ADAM10: variants seen among roughly 807,000 people sequenced by gnomAD.
The protein encoded by ADAM10 is disintegrin and metalloproteinase domain-containing protein 10.
In ADAM10, 17 loss-of-function variants were observed where a neutral mutation model predicts 90.1. That is an observed-to-expected ratio of 0.19 (90% CI 0.13 to 0.28). ADAM10 has a LOEUF of 0.28. Among genes scored for constraint, ADAM10 ranks in the 10% least tolerant of loss-of-function variants. The pLI, the probability that ADAM10 is intolerant of heterozygous loss-of-function variation, is 1.00. For synonymous variants in ADAM10, 310 were observed against 298.6 expected (o/e 1.04, Z -0.40); for missense variants, 610 against 914.3 (o/e 0.67, Z 4.29).
Position 58,749,511 on chromosome 15 carries a change from A to T in ADAM10, c.24T>A (p.Ile8=). Residue 8 remains isoleucine (I), a synonymous_variant, in exon 1 of 16, where the codon ATT becomes ATA. Coordinates refer to ENST00000260408, the MANE Select transcript of ADAM10 (RefSeq NM_001110.4). MVLLRVL[I]LLLSWAAGMG... ...TCCCCGCCGCCCAGGAGAGGAGCAG[A>T]ATTAACACTCTCAGCAACACCATCT... is the stretch of plus-strand genomic sequence containing the variant. The T allele has an allele frequency of 6.4e-7, 1 of 1,554,414 alleles. No homozygotes were observed. Among genetic ancestry groups the T allele is most frequent in the Non-Finnish European group, 8.7e-7 (1 of 1,148,786 alleles).
chr15:58,688,523 C>A (rs1282579356), intron 2 of ADAM10, among the ~76,000 whole-genome samples: 2 of 151,074 alleles, frequency 1.3e-5, no homozygotes, highest in African/African-American at 4.9e-5. Flanking sequence ...TTAGTCCCCC[C>A]CAAAAAAAGT....
chr15:58,717,139 C>T (rs1407896529), intron 2 of ADAM10, among the ~76,000 whole-genome samples: 1 of 150,838 alleles, frequency 6.6e-6, no homozygotes, highest in Non-Finnish European at 1.5e-5. Context: ...TGTTTGAGAA[C>T]TGAACAAAAC....
chr15:58,720,807 C>CA (rs1205182215), intron 1 of ADAM10, among the ~76,000 whole-genome samples: 1 of 152,002 alleles, frequency 6.6e-6, no homozygotes, highest in African/African-American at 2.4e-5. Flanking sequence ...TTGAGTTTAG[C>CA]AAAAAAGAAG....
At chr15:58,628,534 G>A (rs192985629) in intron 9 of ADAM10, among the ~76,000 whole-genome samples, 65 of 152,230 alleles carry the variant, frequency 4.3e-4, no homozygotes, top group African/African-American at 1.5e-3. Flanking sequence ...AGTGGTGTTC[G>A]GTTTTGATAA....
At chr15:58,719,705 T>G (rs1188675349) in intron 1 of ADAM10, among the ~76,000 whole-genome samples, 2 of 152,158 alleles carry the variant, frequency 1.3e-5, no homozygotes, top group African/African-American at 4.8e-5. Context: ...CATTTTACCT[T>G]AAGCATTTTT....
In ADAM10 at chr15:58,588,861, CT is replaced by C. The variant is rs1233663492; in HGVS notation, c.*8685del. 1 of 152,188 alleles carries C rather than the reference CT, an allele frequency of 6.6e-6. No homozygotes were observed. Among genetic ancestry groups the C allele is most frequent in the African/African-American group, 2.4e-5 (1 of 41,430 alleles). 9.4% of individuals were successfully genotyped at this position (152,188 alleles called of 1,614,324 possible). A position where few individuals can be genotyped will look rare whatever the true frequency, so the allele number is the denominator to read the frequency against. ...GAGCTTTCTGAATACATTTCTTCTC[CT>C]ATCAGGAGTTGTTACTTACATGCCC... On this transcript the variant is annotated 3_prime_UTR_variant, in exon 16 of 16. Coordinates refer to ENST00000260408, the MANE Select transcript of ADAM10 (RefSeq NM_001110.4).
chr15:58,660,656 G>GT lies in ADAM10; in HGVS notation c.585+4440dup, dbSNP rs1230064114. Among the ~76,000 whole-genome samples the GT allele has an allele frequency of 2.6e-5, 4 of 152,068 alleles. No homozygotes were observed. The East Asian group carries it at 7.7e-4, about 29-fold the overall frequency. ...TATTTATTTTCTATTTATCCCATCA[G>GT]TTTTTTGTTCCTTTTTCTCTTCTTC... On this transcript the variant is annotated intron_variant, in intron 5 of 15. Coordinates refer to ENST00000260408, the MANE Select transcript of ADAM10 (RefSeq NM_001110.4).
chr15:58,627,624 A>C (rs868300060), intron 10 of ADAM10, 76 bp downstream of exon 10: 2 of 1,322,494 alleles, frequency 1.5e-6, no homozygotes, highest in African/African-American at 1.4e-5. Context: ...GTATGTCAGT[A>C]ATCACTATAG....
At chr15:58,731,749 G>A (rs1396580708) in intron 1 of ADAM10, among the ~76,000 whole-genome samples, 1 of 152,238 alleles carries the variant, frequency 6.6e-6, no homozygotes, top group African/African-American at 2.4e-5. Flanking sequence ...GGATGAACAT[G>A]CACCTTCCAA....
chr15:58,619,765 G>A (rs959180276), intron 11 of ADAM10, among the ~76,000 whole-genome samples: 20 of 151,958 alleles, frequency 1.3e-4, no homozygotes, highest in African/African-American at 3.9e-4. Flanking sequence ...TTAGCCAGGC[G>A]TGGTGGCGGG....
intron 6 of ADAM10, among the ~76,000 whole-genome samples, chr15:58,645,411 G>C (rs1159164425): frequency 1.3e-5 from 2 of 151,992 alleles, no homozygotes; most frequent in African/African-American, 4.8e-5. Context: ...ATCTCTCAAG[G>C]CTACCCTTCC....
At chr15:58,608,117 G>C (rs1895329592) in intron 14 of ADAM10, among the ~76,000 whole-genome samples, 1 of 152,164 alleles carries the variant, frequency 6.6e-6, no homozygotes, top group Non-Finnish European at 1.5e-5. Context: ...ACACAGAAAA[G>C]AAAGTATCAC....
chr15:58,621,156 A>AG (rs1491552813), intron 11 of ADAM10, among the ~76,000 whole-genome samples: 2 of 148,780 alleles, frequency 1.3e-5, no homozygotes, highest in South Asian at 4.3e-4. Flanking sequence ...CCAGCTACTC[A>AG]GGGGGCTGAG....
intron 2 of ADAM10, among the ~76,000 whole-genome samples, chr15:58,701,468 T>G (rs1228918847): frequency 1.3e-5 from 2 of 152,118 alleles, no homozygotes; most frequent in African/African-American, 4.8e-5. Context: ...TGGCTGTTAT[T>G]AAAAAGATAA....
intron 1 of ADAM10, among the ~76,000 whole-genome samples, chr15:58,720,764 T>C (rs1370411873): frequency 6.6e-6 from 1 of 152,336 alleles, no homozygotes; most frequent in Non-Finnish European, 1.5e-5. Flanking sequence ...GCATCTTCTG[T>C]ATCCTTTAAA....
At chr15:58,710,528 C>T (rs16940682) in intron 2 of ADAM10, among the ~76,000 whole-genome samples, 5,761 of 152,130 alleles carry the variant, frequency 0.038, 345 homozygotes, top group African/African-American at 0.13. Context: ...CCGTATAAAG[C>T]GGAATCAGGC....
At chr15:58,629,995 A>C (rs1458571841) in intron 9 of ADAM10, among the ~76,000 whole-genome samples, 1 of 152,054 alleles carries the variant, frequency 6.6e-6, no homozygotes, top group Non-Finnish European at 1.5e-5. Context: ...GCTGGTCTCG[A>C]ACTCCTGGGC....
At chr15:58,620,489 T>C (rs1029462861) in intron 11 of ADAM10, among the ~76,000 whole-genome samples, 1 of 151,864 alleles carries the variant, frequency 6.6e-6, no homozygotes, top group African/African-American at 2.4e-5. Context: ...AAAAAAGTAT[T>C]GTGCAAACAA....
At chr15:58,717,102 T>C (rs577852364) in intron 2 of ADAM10, among the ~76,000 whole-genome samples, 1 of 152,218 alleles carries the variant, frequency 6.6e-6, no homozygotes, top group Admixed American at 6.5e-5. Flanking sequence ...CTCTCTCCCT[T>C]GACTCCCCTT....
Sources: gnomAD v4.1 joint callset for allele counts (sites outside exome capture counted in the v4.1 genomes callset) on GRCh38, gnomAD v4.1.1 for gene constraint, MANE v1.5 for transcripts, NCBI Gene and HGNC (gene_info 2026-07-23, HGNC 2026-07-21) for gene names.